ROBO1: variants seen among roughly 807,000 people sequenced by gnomAD.
The protein encoded by ROBO1 is roundabout guidance receptor 1.
A neutral mutation model predicts 195.9 loss-of-function variants in ROBO1; 149 were observed. That is an observed-to-expected ratio of 0.76 (90% CI 0.67 to 0.87). The LOEUF is 0.87. ROBO1 is among the 40% of genes least tolerant of loss of function. ROBO1 has a pLI of 0.00. For missense variants in ROBO1, 1,933 were observed against 2,068.3 expected, an observed-to-expected ratio of 0.93 and a Z score of 1.27; for synonymous variants, 816 against 733.2, an observed-to-expected ratio of 1.11 and a Z score of -1.82.
At chr3:79,560,098 G>A (rs535844617) in intron 2 of ROBO1, among the ~76,000 whole-genome samples, 45 of 151,924 alleles carry the variant, frequency 3.0e-4, no homozygotes, top group Non-Finnish European at 5.4e-4. Flanking sequence ...ACTTACTCAC[G>A]TTAAGTGATT....
At chr3:79,600,795 A>C (rs942925941) in intron 1 of ROBO1, among the ~76,000 whole-genome samples, 1 of 152,036 alleles carries the variant, frequency 6.6e-6, no homozygotes, top group Non-Finnish European at 1.5e-5. Context: ...TTAATGGGAC[A>C]TGATGTCACT....
chr3:79,691,164 AG>A, intron 1 of ROBO1, among the ~76,000 whole-genome samples: 1 of 151,826 alleles, frequency 6.6e-6, no homozygotes, highest in Non-Finnish European at 1.5e-5. Flanking sequence ...TGCATTAATG[AG>A]ATGGTTTCTT....
At chr3:79,430,143 CTT>C (rs1189998061) in intron 2 of ROBO1, among the ~76,000 whole-genome samples, 3 of 152,024 alleles carry the variant, frequency 2.0e-5, no homozygotes, top group Admixed American at 6.6e-5. Context: ...AAATTAAAGA[CTT>C]TAACTAAATC....
At chr3:79,412,491 CTCACT>C (rs2037811209) in intron 2 of ROBO1, among the ~76,000 whole-genome samples, 1 of 152,052 alleles carries the variant, frequency 6.6e-6, no homozygotes, top group African/African-American at 2.4e-5. Flanking sequence ...GCAAACACAC[CTCACT>C]TCATTTCAAA....
At chr3:79,059,229 A>G (rs890286308) in intron 3 of ROBO1, among the ~76,000 whole-genome samples, 2 of 152,224 alleles carry the variant, frequency 1.3e-5, no homozygotes, top group Admixed American at 6.6e-5. Flanking sequence ...ATCATTGGAC[A>G]TAACTAAATT....
At chr3:79,501,579 C>T (rs1940072188) in intron 2 of ROBO1, among the ~76,000 whole-genome samples, 1 of 152,194 alleles carries the variant, frequency 6.6e-6, no homozygotes, top group South Asian at 2.1e-4. Flanking sequence ...AATTCTTCAA[C>T]AGGGTTGCCT....
chr3:78,942,922 A>AT lies in ROBO1; in HGVS notation c.173-3996dup, dbSNP rs556477712. On this transcript the variant is annotated intron_variant, in intron 3 of 30. Transcript: ENST00000464233. Reference sequence around the variant, plus strand: ...GTGAGACCCCATCTCTAAAAAGTTTATTTTTTTTTTTGCCGGGTGCGGTGG... The same window carrying AT: ...GTGAGACCCCATCTCTAAAAAGTTTATTTTTTTTTTTTGCCGGGTGCGGTGG... 2.0e-3 allele frequency among the ~76,000 whole-genome samples: 288 copies of AT among 146,972 alleles called. 2 individuals are homozygous for AT. In the East Asian group the frequency reaches 0.033, roughly 17 times the overall value.
intron 2 of ROBO1, among the ~76,000 whole-genome samples, chr3:79,323,181 A>AAGCTATTCT (rs1477723772): frequency 6.6e-6 from 1 of 151,612 alleles, no homozygotes; most frequent in Non-Finnish European, 1.5e-5. Context: ...TCCTGGGTTC[A>AAGCTATTCT]AGCTATTCTT....
intron 2 of ROBO1, among the ~76,000 whole-genome samples, chr3:79,468,422 A>G (rs956795147): frequency 7.2e-5 from 11 of 152,188 alleles, no homozygotes; most frequent in African/African-American, 1.4e-4. Context: ...ACAAGATTTG[A>G]ACAATCGGGT....
At chr3:78,746,163 T>C (rs1559810031) in intron 5 of ROBO1, among the ~76,000 whole-genome samples, 1 of 152,190 alleles carries the variant, frequency 6.6e-6, no homozygotes, top group Non-Finnish European at 1.5e-5. Flanking sequence ...CTTGACTTCA[T>C]ACAAATCACA....
intron 1 of ROBO1, among the ~76,000 whole-genome samples, chr3:79,751,262 C>A (rs959722495): frequency 1.3e-5 from 2 of 152,006 alleles, no homozygotes; most frequent in Non-Finnish European, 2.9e-5. Flanking sequence ...ATTTTACATA[C>A]TGTTTATGAT....
chr3:79,112,273 AG>A (rs2079900437), intron 3 of ROBO1, among the ~76,000 whole-genome samples: 2 of 152,138 alleles, frequency 1.3e-5, no homozygotes, highest in African/African-American at 4.8e-5. Flanking sequence ...TGTCTCCTGA[AG>A]GGTCCAGAGT....
chr3:78,740,370 A>T (rs1482272993), intron 5 of ROBO1, among the ~76,000 whole-genome samples: 1 of 151,690 alleles, frequency 6.6e-6, no homozygotes, highest in Non-Finnish European at 1.5e-5. Context: ...AAATTTAATA[A>T]AATAAAATTT....
chr3:79,018,833 C>T (rs375264441), intron 3 of ROBO1: 31 of 1,011,002 alleles, frequency 3.1e-5, no homozygotes, highest in African/African-American at 2.1e-4. Context: ...TGCGGCCGAG[C>T]GCCGCTGCGA....
intron 5 of ROBO1, among the ~76,000 whole-genome samples, chr3:78,738,756 AC>A (rs2082453202): frequency 6.6e-6 from 1 of 152,122 alleles, no homozygotes; most frequent in African/African-American, 2.4e-5. Context: ...TACTAAATAT[AC>A]TTGTTCATTA....
intron 2 of ROBO1, among the ~76,000 whole-genome samples, chr3:79,324,582 AAAAAC>A (rs924630331): frequency 6.6e-6 from 1 of 152,178 alleles, no homozygotes; most frequent in African/African-American, 2.4e-5. Flanking sequence ...CAGGAGAAAC[AAAAAC>A]AAAACAAAAC....
intron 3 of ROBO1, among the ~76,000 whole-genome samples, chr3:79,091,571 C>T (rs1403689645): frequency 2.1e-4 from 1 of 4,754 alleles, no homozygotes; most frequent in East Asian, 8.9e-3. Flanking sequence ...TTATGATGCT[C>T]GAATTTTAAT....
At chr3:78,857,154 T>G (rs1280699274) in intron 4 of ROBO1, among the ~76,000 whole-genome samples, 1 of 152,116 alleles carries the variant, frequency 6.6e-6, no homozygotes, top group African/African-American at 2.4e-5. Context: ...TTTTTAGGCC[T>G]CAAATGGGTG....
At chr3:79,471,330 C>G (rs1311133788) in intron 2 of ROBO1, among the ~76,000 whole-genome samples, 1 of 152,066 alleles carries the variant, frequency 6.6e-6, no homozygotes, top group Non-Finnish European at 1.5e-5. Context: ...CAGGCTTTTG[C>G]ACAGCAAAGA....
Sources: allele counts gnomAD v4.1 joint callset (sites outside exome capture counted in the v4.1 genomes callset), GRCh38; gene constraint gnomAD v4.1.1; transcripts MANE v1.5; gene names NCBI Gene and HGNC (gene_info 2026-07-23, HGNC 2026-07-21).